Variants in PPIL2 observed in about 807,000 individuals in gnomAD.
PPIL2 encodes the protein RING-type E3 ubiquitin-protein ligase PPIL2.
PPIL2 carries 50 observed loss-of-function variants against 75.2 expected under a neutral mutation model. That is an observed-to-expected ratio of 0.66 (90% CI 0.53 to 0.84). The LOEUF is 0.84. Among genes scored for constraint, PPIL2 ranks in the 40% least tolerant of loss-of-function variants. The pLI is 0.00. For synonymous variants in PPIL2, 245 were observed against 258.8 expected, an observed-to-expected ratio of 0.95 and a Z score of 0.51; for missense variants, 590 against 685.0, an observed-to-expected ratio of 0.86 and a Z score of 1.55.
rs1238806510 is a variant in PPIL2, at chr22:21,696,747, C to G, written c.*1257C>G. On this transcript the variant is annotated 3_prime_UTR_variant, in exon 20 of 20. Transcript: ENST00000398831. ...TTGCCCCAAATCTTGAACCTGTCAG[C>G]AACTTGCAGGCTGTACCTCTGCCCT... 2.6e-6 allele frequency: 4 copies of G among 1,540,534 alleles called. No homozygotes were observed. In the African/African-American group the frequency reaches 4.1e-5, roughly 16 times the overall value.
chr22:21,669,965 A>G lies in PPIL2; in HGVS notation c.82+3A>G, dbSNP rs377731051. 1.2e-6 allele frequency: 2 copies of G among 1,612,502 alleles called. No homozygotes were observed. Among genetic ancestry groups the G allele is most frequent in the African/African-American group, 1.3e-5 (1 of 74,914 alleles). ...CTTTTATGGTGGCAAGAAGCCAGGTAAGGCATGCAGTCTTTCTGTTCCCCG... is the reference window on the plus strand; with the variant it reads ...CTTTTATGGTGGCAAGAAGCCAGGTGAGGCATGCAGTCTTTCTGTTCCCCG... On this transcript the variant is annotated splice_donor_region_variant and intron_variant, in intron 2 of 19. Transcript: ENST00000398831.
rs751160851 is a variant in PPIL2, at chr22:21,688,781, CCT to C, written c.1075_1076del (p.Ser359AlafsTer46). ...CCTTCAAAGACGAGTTCCGGCCCAA[CCT>C]CTCGCACACGGGCCGCGGCATCCTC... ...KPFKDEFRPN[L>X]SHTGRGILSM... On this transcript the variant is annotated frameshift_variant, in exon 15 of 20. Coordinates refer to ENST00000398831, the MANE Select transcript of PPIL2 (RefSeq NM_014337.4). LOFTEE classifies it high-confidence loss of function. The C allele has an allele frequency of 2.5e-5, 40 of 1,614,136 alleles. No homozygotes were observed. Among genetic ancestry groups the C allele is most frequent in the Non-Finnish European group, 3.4e-5 (40 of 1,180,058 alleles).
At position 21,696,288 on chromosome 22, in the gene PPIL2, G is replaced by A; in HGVS notation, c.*798G>A. The A allele has an allele frequency of 9.6e-7, 1 of 1,036,862 alleles. No homozygotes were observed. Among genetic ancestry groups the A allele is most frequent in the Non-Finnish European group, 1.2e-6 (1 of 860,820 alleles). 64.2% of individuals were successfully genotyped at this position (1,036,862 alleles called of 1,614,324 possible). On this transcript the variant is annotated 3_prime_UTR_variant, in exon 20 of 20. Transcript: ENST00000398831. Reference sequence around the variant, plus strand: ...CTGGGCTTCATCTCAAGCCTGCCTGGCGTCTCTGTGCCCCTGTGAGAATCT... The same window carrying A: ...CTGGGCTTCATCTCAAGCCTGCCTGACGTCTCTGTGCCCCTGTGAGAATCT...
intron 15 of PPIL2, among the ~76,000 whole-genome samples, chr22:21,692,356 G>C (rs111849349): frequency 2.6e-5 from 4 of 150,984 alleles, no homozygotes; most frequent in South Asian, 2.1e-4. Context: ...GGGTTTCACC[G>C]TGTTAGCGAG....
rs971837541 is a variant in PPIL2 at position 21,694,444 on chromosome 22, A to G, written c.1197-149A>G. The G allele has an allele frequency of 1.1e-5, 9 of 787,308 alleles. No individual in the cohort carries two copies. In the African/African-American group the frequency reaches 1.6e-4, roughly 14 times the overall value. The allele number at this position is 787,308 out of a possible 1,614,324, so 48.8% of individuals were successfully genotyped here. A position where few individuals can be genotyped will look rare whatever the true frequency, so the allele number is the denominator to read the frequency against. Reference sequence around the variant, plus strand: ...ATGGTCAGCCGACCCCGCCCTTGCCACTCCCTCTCATCGCCTTCCTGGCTG... The same window carrying G: ...ATGGTCAGCCGACCCCGCCCTTGCCGCTCCCTCTCATCGCCTTCCTGGCTG... On this transcript the variant is annotated intron_variant, in intron 16 of 19. Coordinates refer to ENST00000398831, the MANE Select transcript of PPIL2 (RefSeq NM_014337.4).
chr22:21,688,561 GC>G (rs373083356), intron 14 of PPIL2, among the ~76,000 whole-genome samples, 170 bp from the exon 15 acceptor site: 261 of 152,284 alleles, frequency 1.7e-3, no homozygotes, highest in African/African-American at 6.1e-3. Context: ...AGGCGTGGGG[GC>G]TCCAAGGGAC....
At chr22:21,676,556 T>G (rs2066870214) in intron 6 of PPIL2, among the ~76,000 whole-genome samples, 1 of 151,506 alleles carries the variant, frequency 6.6e-6, no homozygotes, top group Non-Finnish European at 1.5e-5. Context: ...TAGGGAGTGG[T>G]GATGACTCTT....
rs377023674 is a variant in PPIL2, at chr22:21,683,284, G to A, written c.553+27G>A. 1.9e-6 allele frequency: 3 copies of A among 1,577,062 alleles called. No individual in the cohort carries two copies. In the African/African-American group the frequency reaches 4.1e-5, roughly 21 times the overall value. On this transcript the variant is annotated intron_variant, in intron 9 of 19. Transcript: ENST00000398831. ...TATGTACACCTAGGGGCTGGGCTAG[G>A]CGAGGGGGCTTTTGGATGAAATTGG...
chr22:21,690,539 T>A (rs1051442291), intron 15 of PPIL2, among the ~76,000 whole-genome samples: 1 of 152,204 alleles, frequency 6.6e-6, no homozygotes, highest in African/African-American at 2.4e-5. Context: ...TGTGCTGACC[T>A]TTTTTTCTCA....
chr22:21,669,288 C>G (rs2066529360), intron 1 of PPIL2: 1 of 399,980 alleles, frequency 2.5e-6, no homozygotes, highest in Non-Finnish European at 5.2e-6. Flanking sequence ...GCTGGGACCA[C>G]AGGTGTGAGC....
rs369102532 is a variant in PPIL2 at position 21,681,351 on chromosome 22, C to T, written c.348C>T (p.Ile116=). 9.3e-6 allele frequency: 15 copies of T among 1,614,068 alleles called. No individual in the cohort carries two copies. Among genetic ancestry groups the T allele is most frequent in the East Asian group, 8.9e-5 (4 of 44,892 alleles). ...LFTVFTNNTH[I]VAVRTTGNVY... is the part of the protein sequence containing the mutation. ...CCGTGTTCACCAACAACACCCACAT[C>T]GTGGCTGTGAGGACGACCGGCAACG... The change falls in exon 7 of 20, where the codon ATC becomes ATT. Residue 116 remains isoleucine, a synonymous_variant. Coordinates refer to ENST00000398831, the MANE Select transcript of PPIL2 (RefSeq NM_014337.4).
At position 21,674,811 on chromosome 22, in the gene PPIL2, C is replaced by G. The variant is rs538404740; in HGVS notation, c.244-253C>G. The stretch of plus-strand genomic sequence containing the variant: ...AAGTATAACACACACCACCCTGTGG[C>G]CTGGTCCTCCTGCTCGGGGTCACCC... On this transcript the variant is annotated intron_variant, in intron 5 of 19. Transcript: ENST00000398831. 9.2e-5 allele frequency among the ~76,000 whole-genome samples: 14 copies of G among 152,360 alleles called. No homozygotes were observed. The East Asian group carries it at 2.5e-3, about 27-fold the overall frequency.
intron 10 of PPIL2, chr22:21,685,753 T>A (rs908623051): frequency 4.9e-6 from 2 of 409,620 alleles, no homozygotes; most frequent in Admixed American, 3.3e-5. Flanking sequence ...CTGGCTTGTA[T>A]TTTCTTCTGA....
At chr22:21,671,430 G>A (rs757723672) in intron 4 of PPIL2, among the ~76,000 whole-genome samples, 1 of 152,188 alleles carries the variant, frequency 6.6e-6, no homozygotes, top group Non-Finnish European at 1.5e-5. Context: ...CTTATTTGTA[G>A]TAACATGATT....
At chr22:21,692,371 G>C (rs200259983) in intron 15 of PPIL2, among the ~76,000 whole-genome samples, 1 of 151,184 alleles carries the variant, frequency 6.6e-6, no homozygotes, top group Non-Finnish European at 1.5e-5. Flanking sequence ...AGCGAGGATG[G>C]TCTCGATCTC....
rs765628788 is a variant in PPIL2 at position 21,688,079 on chromosome 22, G to A, written c.994G>A (p.Gly332Arg). 1.9e-6 allele frequency: 3 copies of A among 1,614,188 alleles called. No individual in the cohort carries two copies. Among genetic ancestry groups the A allele is most frequent in the South Asian group, 1.1e-5 (1 of 91,082 alleles). The change falls in exon 14 of 20, where the codon GGG becomes AGG. Residue 332 changes from glycine to arginine, a missense_variant. Gly to Arg is a moderately radical substitution (Grantham distance 125). Transcript: ENST00000398831. ...HRSIRNFVIQ[G>R]GDPTGTGTGG... is the part of the protein sequence containing the mutation. ...CTGGCTTTTGTTTTCACAGATCCAA[G>A]GGGGCGACCCCACAGGCACAGGCAC...
Position 21,688,686 on chromosome 22 carries a change from G to A in PPIL2, c.1022-46G>A, listed in dbSNP as rs180877906. 291 of 1,583,564 alleles carry A rather than the reference G, an allele frequency of 1.8e-4. 1 individual carries two copies. The African/African-American group carries it at 3.3e-3, about 18-fold the overall frequency. On this transcript the variant is annotated intron_variant, in intron 14 of 19. Transcript: ENST00000398831. Reference sequence around the variant, plus strand: ...ACTCTGAGGTTTCTAGTTCTGCCTCGGCTGGGGCCCAGGCTTTCCTGCTCC... The same window carrying A: ...ACTCTGAGGTTTCTAGTTCTGCCTCAGCTGGGGCCCAGGCTTTCCTGCTCC...
rs374238302 is a variant in PPIL2 at position 21,672,286 on chromosome 22, G to A, written c.192-44G>A. 10 of 1,547,680 alleles carry A rather than the reference G, an allele frequency of 6.5e-6. No homozygotes were observed. The African/African-American group carries it at 6.8e-5, about 11-fold the overall frequency. ...GACCACAGTGTTGTTACCAGGTGGC[G>A]CCTAAGCACCCTGGTGATGCTTTCT... On this transcript the variant is annotated intron_variant, in intron 4 of 19. Coordinates refer to ENST00000398831, the MANE Select transcript of PPIL2 (RefSeq NM_014337.4).
Position 21,684,839 on chromosome 22 carries a change from G to A in PPIL2, c.640G>A (p.Glu214Lys), listed in dbSNP as rs1299265865. 1 of 1,614,166 alleles carries A rather than the reference G, an allele frequency of 6.2e-7. No homozygotes were observed. The highest frequency in any genetic ancestry group is 1.3e-5 in the African/African-American group (1 of 75,068). ...TRETLQELYK[E>K]FKGDEILAAT... ...AGAGACCCTGCAGGAGCTCTACAAGGAGTTCAAAGGGGACGAGATTCTGGC... is the reference window on the plus strand; with the variant it reads ...AGAGACCCTGCAGGAGCTCTACAAGAAGTTCAAAGGGGACGAGATTCTGGC... Residue 214 changes from glutamate (E) to lysine (K), a missense_variant, in exon 10 of 20, where the codon GAG becomes AAG. Physicochemically the swap from Glu to Lys is moderately conservative, Grantham distance 56 (BLOSUM62 1). Transcript: ENST00000398831.
Sources: gnomAD v4.1 joint callset for allele counts (sites outside exome capture counted in the v4.1 genomes callset) on GRCh38, gnomAD v4.1.1 for gene constraint, MANE v1.5 for transcripts, NCBI Gene and HGNC (gene_info 2026-07-23, HGNC 2026-07-21) for gene names.